PRKAA2: variants seen among roughly 807,000 people sequenced by gnomAD.
PRKAA2 encodes the protein protein kinase AMP-activated catalytic subunit alpha 2.
In PRKAA2, 40 loss-of-function variants were observed where a neutral mutation model predicts 56.3. The ratio of observed to expected loss-of-function variants is 0.71; its 90% CI spans 0.55 to 0.92. The LOEUF is 0.92. Among genes scored for constraint, PRKAA2 ranks in the 40% least tolerant of loss-of-function variants. PRKAA2 has a pLI of 0.00. For synonymous variants in PRKAA2, 214 were observed against 234.2 expected (o/e 0.91, Z 0.79); for missense variants, 542 against 686.9 (o/e 0.79, Z 2.36).
intron 1 of PRKAA2, among the ~76,000 whole-genome samples, chr1:56,672,559 C>T (rs1281195878): frequency 1.3e-5 from 2 of 152,098 alleles, no homozygotes; most frequent in African/African-American, 4.8e-5. Flanking sequence ...ACATAAGGGT[C>T]TACCTTGGGC....
intron 1 of PRKAA2, among the ~76,000 whole-genome samples, chr1:56,653,348 G>A (rs1643916115): frequency 6.6e-6 from 1 of 151,604 alleles, no homozygotes. Flanking sequence ...GGTGTAGCCA[G>A]TTGATTGACT....
chr1:56,707,566 C>T lies in PRKAA2; in HGVS notation c.1512C>T (p.Ser504=). The T allele has an allele frequency of 6.2e-7, 1 of 1,614,102 alleles. No homozygotes were observed. Among genetic ancestry groups the T allele is most frequent in the Non-Finnish European group, 8.5e-7 (1 of 1,180,020 alleles). The change falls in exon 9 of 9, where the codon TCC becomes TCT. Residue 504 remains serine, a synonymous_variant. Coordinates refer to ENST00000371244, the MANE Select transcript of PRKAA2 (RefSeq NM_006252.4). ...ACAGACCAAGATCAAGTTTTGATTC[C>T]ACAACTGCAGAGAGCCATTCACTTT... ...GLHRPRSSFD[S]TTAESHSLSG... is the part of the protein sequence containing the mutation.
At chr1:56,676,945 A>G (rs79616239) in intron 2 of PRKAA2, among the ~76,000 whole-genome samples, 5,007 of 152,328 alleles carry the variant, frequency 0.033, 113 homozygotes, top group Middle Eastern at 0.048. Context: ...TCACTTAGTC[A>G]TAAACATAAA....
intron 5 of PRKAA2, among the ~76,000 whole-genome samples, chr1:56,694,154 A>C (rs1644244762): frequency 6.6e-6 from 1 of 152,186 alleles, no homozygotes; most frequent in Admixed American, 6.5e-5. Context: ...GCTAAATTTA[A>C]GCTAGTGTCA....
intron 6 of PRKAA2, among the ~76,000 whole-genome samples, chr1:56,698,192 C>T (rs1030521777): frequency 6.6e-6 from 1 of 150,664 alleles, no homozygotes; most frequent in Non-Finnish European, 1.5e-5. Flanking sequence ...GCTAGGATTA[C>T]AGGCATAAGC....
At chr1:56,701,533 TA>T (rs1644293400) in intron 6 of PRKAA2, among the ~76,000 whole-genome samples, 1 of 152,192 alleles carries the variant, frequency 6.6e-6, no homozygotes. Context: ...ATTTATCATA[TA>T]TGCAGCATTT....
At chr1:56,698,324 A>C (rs764657602) in intron 6 of PRKAA2, among the ~76,000 whole-genome samples, 8 of 152,158 alleles carry the variant, frequency 5.3e-5, no homozygotes, top group Non-Finnish European at 1.2e-4. Flanking sequence ...GGCTTAACTT[A>C]TGTTATTGCA....
Position 56,662,659 on chromosome 1 carries a change from C to T in PRKAA2, c.95-11722C>T, listed in dbSNP as rs528456483. 1.1e-4 allele frequency among the ~76,000 whole-genome samples: 17 copies of T among 152,264 alleles called. No individual in the cohort carries two copies. In the South Asian group the frequency reaches 3.5e-3, roughly 32 times the overall value. ...AAGCAATGATAGCAGCCATTTAGTC[C>T]ATTCCTAAAGAATTTACAGTCCTCA... On this transcript the variant is annotated intron_variant, in intron 1 of 8. Transcript: ENST00000371244.
At chr1:56,663,547 C>T (rs1056931226) in intron 1 of PRKAA2, among the ~76,000 whole-genome samples, 1 of 152,158 alleles carries the variant, frequency 6.6e-6, no homozygotes, top group Non-Finnish European at 1.5e-5. Flanking sequence ...GATATTGAAG[C>T]TACCTATTTA....
chr1:56,661,769 T>C (rs1643996189), intron 1 of PRKAA2, among the ~76,000 whole-genome samples: 1 of 152,014 alleles, frequency 6.6e-6, no homozygotes, highest in Admixed American at 6.5e-5. Flanking sequence ...GGAGTATTTT[T>C]TCAGGTATCT....
At chr1:56,684,171 C>T (rs541691127) in intron 2 of PRKAA2, among the ~76,000 whole-genome samples, 14 of 151,680 alleles carry the variant, frequency 9.2e-5, no homozygotes, top group Admixed American at 3.3e-4. Flanking sequence ...CTGGCCTCGG[C>T]GAAAAAACAA....
At chr1:56,669,917 C>T (rs1644062888) in intron 1 of PRKAA2, among the ~76,000 whole-genome samples, 1 of 152,124 alleles carries the variant, frequency 6.6e-6, no homozygotes, top group Non-Finnish European at 1.5e-5. Context: ...CAGTTTAATT[C>T]CTTCTGTGTG....
intron 1 of PRKAA2, among the ~76,000 whole-genome samples, chr1:56,655,402 AC>A (rs1643933961): frequency 8.6e-6 from 1 of 116,480 alleles, no homozygotes. Flanking sequence ...GACATGAGCC[AC>A]CATGCCCAGC....
chr1:56,709,883 C>T lies in PRKAA2; in HGVS notation c.*2170C>T, dbSNP rs1038811953. The T allele has an allele frequency of 6.6e-6, 1 of 152,122 alleles. No individual in the cohort carries two copies. The highest frequency in any genetic ancestry group is 2.4e-5 in the African/African-American group (1 of 41,444). 9.4% of individuals were successfully genotyped at this position (152,122 alleles called of 1,614,324 possible). A position where few individuals can be genotyped will look rare whatever the true frequency, so the allele number is the denominator to read the frequency against. ...AATTCTTGCCAGTATTTATGAACAGCTGTAGCTTGATATTTACCTACTGAA... is the reference window on the plus strand; with the variant it reads ...AATTCTTGCCAGTATTTATGAACAGTTGTAGCTTGATATTTACCTACTGAA... On this transcript the variant is annotated 3_prime_UTR_variant, in exon 9 of 9. Coordinates refer to ENST00000371244, the MANE Select transcript of PRKAA2 (RefSeq NM_006252.4).
At chr1:56,677,406 G>A (rs1266642069) in intron 2 of PRKAA2, among the ~76,000 whole-genome samples, 1 of 152,152 alleles carries the variant, frequency 6.6e-6, no homozygotes, top group Non-Finnish European at 1.5e-5. Flanking sequence ...AGAGAAAGCT[G>A]AAATAGCCAG....
intron 1 of PRKAA2, among the ~76,000 whole-genome samples, chr1:56,649,453 A>C (rs1437639235): frequency 6.6e-6 from 1 of 152,196 alleles, no homozygotes; most frequent in Non-Finnish European, 1.5e-5. Context: ...TGACCAAGGC[A>C]GGAGGATCCC....
At chr1:56,682,927 C>A (rs1453843013) in intron 2 of PRKAA2, among the ~76,000 whole-genome samples, 1 of 152,016 alleles carries the variant, frequency 6.6e-6, no homozygotes, top group Non-Finnish European at 1.5e-5. Context: ...TTGGACAGAG[C>A]AGATAAAAAA....
intron 1 of PRKAA2, among the ~76,000 whole-genome samples, chr1:56,651,329 A>G (rs1379432106): frequency 1.3e-5 from 2 of 152,234 alleles, no homozygotes; most frequent in Admixed American, 6.5e-5. Flanking sequence ...AGTTGTTACT[A>G]TATTCTAATC....
At chr1:56,675,759 C>T (rs1557550992) in intron 2 of PRKAA2, among the ~76,000 whole-genome samples, 1 of 151,622 alleles carries the variant, frequency 6.6e-6, no homozygotes, top group Non-Finnish European at 1.5e-5. Context: ...AATTTAAATA[C>T]AAAAAAACAA....
Sources: allele counts gnomAD v4.1 joint callset (sites outside exome capture counted in the v4.1 genomes callset), GRCh38; gene constraint gnomAD v4.1.1; transcripts MANE v1.5; gene names NCBI Gene and HGNC (gene_info 2026-07-23, HGNC 2026-07-21).